The following DOCK5 variants were observed in gnomAD, a reference collection of about 807,000 sequenced individuals.
DOCK5 encodes dedicator of cytokinesis protein 5.
In DOCK5, 142 loss-of-function variants were observed where a neutral mutation model predicts 251.8. That is an observed-to-expected ratio of 0.56 (90% CI 0.49 to 0.65). DOCK5 has a LOEUF of 0.65. Ranked by LOEUF, DOCK5 falls within the 30% of genes least tolerant of loss-of-function variation. DOCK5 has a pLI of 0.00. For missense variants in DOCK5, 2,111 were observed against 2,312.3 expected (o/e 0.91, Z 1.79); for synonymous variants, 842 against 835.5 (o/e 1.01, Z -0.13).
intron 27 of DOCK5, among the ~76,000 whole-genome samples, chr8:25,357,627 C>T (rs1350375819): frequency 6.6e-6 from 1 of 152,090 alleles, no homozygotes; most frequent in Non-Finnish European, 1.5e-5. Context: ...ATCCGCCCAC[C>T]TTGGCCTCCC....
At chr8:25,364,528 C>A in intron 29 of DOCK5, 98 bp from the exon 30 acceptor site, 1 of 823,804 alleles carries the variant, frequency 1.2e-6, no homozygotes, top group Non-Finnish European at 2.0e-6. Flanking sequence ...CTTATGATGC[C>A]AAGTTCAGGT....
At position 25,184,847 on chromosome 8, in the gene DOCK5, G is replaced by GGCC. The variant is rs1005689933; in HGVS notation, c.-60_-58dup. 8.2e-4 allele frequency: 1,042 copies of GGCC among 1,269,302 alleles called. 1 individual carries two copies. The highest frequency in any genetic ancestry group is 9.6e-4 in the Non-Finnish European group (960 of 998,956). 78.6% of individuals were successfully genotyped at this position (1,269,302 alleles called of 1,614,324 possible). ...GCACGCAGGAGCGCGGGGCGGCGGC[G>GGCC]GCCGGAGCCCGAGGAGCTGTAGCAG... On this transcript the variant is annotated 5_prime_UTR_variant, in exon 1 of 52. Coordinates refer to ENST00000276440, the MANE Select transcript of DOCK5 (RefSeq NM_024940.8).
At chr8:25,246,890 GT>G (rs145041068) in intron 2 of DOCK5, among the ~76,000 whole-genome samples, 12,360 of 147,876 alleles carry the variant, frequency 0.084, 1,369 homozygotes, top group African/African-American at 0.25. Context: ...TTTGTTTTTT[GT>G]TTTTTTTTTC....
intron 43 of DOCK5, among the ~76,000 whole-genome samples, chr8:25,392,453 G>T (rs972389314): frequency 7.9e-5 from 12 of 152,090 alleles, no homozygotes; most frequent in African/African-American, 2.7e-4. Context: ...TACCTAGACA[G>T]CCAGCTGTCA....
At chr8:25,260,402 A>G (rs1803546359) in intron 2 of DOCK5, among the ~76,000 whole-genome samples, 1 of 151,740 alleles carries the variant, frequency 6.6e-6, no homozygotes, top group Non-Finnish European at 1.5e-5. Context: ...GTGTATAGAA[A>G]CATAGCTCTT....
In DOCK5 at chr8:25,389,244, G is replaced by A. The variant is rs200850884; in HGVS notation, c.4273+12G>A. 5.2e-5 allele frequency: 83 copies of A among 1,610,924 alleles called. No individual in the cohort carries two copies. The highest frequency in any genetic ancestry group is 1.3e-4 in the South Asian group (12 of 90,970). ...GTCCCCCAAGCAGTGTATCCTTTCCGGGGGGAGTATGGCCCCGAGGCTCTT... is the reference window on the plus strand; with the variant it reads ...GTCCCCCAAGCAGTGTATCCTTTCCAGGGGGAGTATGGCCCCGAGGCTCTT... On this transcript the variant is annotated intron_variant, in intron 41 of 51. Transcript: ENST00000276440.
In DOCK5 at chr8:25,332,643, T is replaced by C. The variant is rs1805709414; in HGVS notation, c.2042T>C (p.Met681Thr). The part of the protein sequence containing the change: ...DTLDALFNIM[M>T]EMSDSETYDF... ...CTAGATGCACTCTTTAACATAATGA[T>C]GGAAATGTCAGACAGTGAAACCTAT... is the stretch of plus-strand genomic sequence containing the variant. The change falls in exon 20 of 52, where the codon ATG becomes ACG. Residue 681 changes from methionine to threonine, a missense_variant. By Grantham distance (81) the Met-to-Thr change is moderately conservative (BLOSUM62 -1). Around this residue, in one of 3 missense-constraint regions of DOCK5, gnomAD observed 1,717 missense variants for 1,892.4 expected, o/e 0.91. Coordinates refer to ENST00000276440, the MANE Select transcript of DOCK5 (RefSeq NM_024940.8). 1 of 1,612,748 alleles carries C rather than the reference T, an allele frequency of 6.2e-7. No homozygotes were observed. The highest frequency in any genetic ancestry group is 8.5e-7 in the Non-Finnish European group (1 of 1,179,474).
chr8:25,369,694 G>A (rs1167335464), intron 34 of DOCK5, 53 bp downstream of exon 34: 51 of 1,488,848 alleles, frequency 3.4e-5, no homozygotes, highest in Middle Eastern at 1.8e-4. Flanking sequence ...TAGTAATAGA[G>A]AAAAACAGGG....
intron 39 of DOCK5, among the ~76,000 whole-genome samples, chr8:25,381,594 C>G (rs373230026): frequency 6.6e-6 from 1 of 151,438 alleles, no homozygotes. Context: ...TGCTACTGCA[C>G]TCCAGCCTGG....
At chr8:25,297,678 T>C (rs1804652311) in intron 7 of DOCK5, among the ~76,000 whole-genome samples, 2 of 152,186 alleles carry the variant, frequency 1.3e-5, no homozygotes, top group South Asian at 4.1e-4. Flanking sequence ...CATGATCCAC[T>C]GCACCCAGGC....
intron 1 of DOCK5, among the ~76,000 whole-genome samples, chr8:25,198,382 G>C (rs953296387): frequency 4.1e-4 from 62 of 152,190 alleles, no homozygotes; most frequent in African/African-American, 1.4e-3. Context: ...GACCAGCCTG[G>C]CCAACATGGT....
Position 25,332,306 on chromosome 8 carries a change from C to G in DOCK5, c.1959C>G (p.Asn653Lys). 9.9e-6 allele frequency: 16 copies of G among 1,613,398 alleles called. No individual in the cohort carries two copies. The highest frequency in any genetic ancestry group is 1.4e-5 in the Non-Finnish European group (16 of 1,179,630). ...CCAACTCCCAGAACATTAAACACAA[C>G]CTAAAGAAGTTAATGGAAGTGGATG... The part of the protein sequence containing the change: ...WRSNSQNIKH[N>K]LKKLMEVDGG... The change falls in exon 19 of 52, where the codon AAC (asparagine) becomes AAG (lysine). Residue 653 changes from asparagine (N) to lysine (K), a missense_variant. Transcript: ENST00000276440.
intron 1 of DOCK5, among the ~76,000 whole-genome samples, chr8:25,203,490 T>G (rs73558426): frequency 0.068 from 10,333 of 152,286 alleles, 733 homozygotes; most frequent in African/African-American, 0.19. Context: ...CCTTGGAAAT[T>G]TTGAATCCGT....
At chr8:25,316,258 T>C (rs1357303347) in intron 13 of DOCK5, among the ~76,000 whole-genome samples, 1 of 152,182 alleles carries the variant, frequency 6.6e-6, no homozygotes, top group Non-Finnish European at 1.5e-5. Context: ...GGTGGGCAGA[T>C]TGCTTGAGTC....
intron 1 of DOCK5, among the ~76,000 whole-genome samples, chr8:25,192,013 C>T (rs1415431689): frequency 9.4e-5 from 14 of 149,296 alleles, no homozygotes; most frequent in East Asian, 4.0e-4. Context: ...TGAGAACATG[C>T]AGTGTTTGGT....
chr8:25,339,893 A>G (rs922155850), intron 22 of DOCK5, among the ~76,000 whole-genome samples: 2 of 152,228 alleles, frequency 1.3e-5, no homozygotes, highest in African/African-American at 4.8e-5. Flanking sequence ...ATCGAAGGCT[A>G]CAGGTAGAAG....
chr8:25,380,928 A>G (rs556727433), intron 39 of DOCK5, among the ~76,000 whole-genome samples: 30 of 150,504 alleles, frequency 2.0e-4, no homozygotes, highest in African/African-American at 6.9e-4. Flanking sequence ...GCACCATTCC[A>G]AATGCCCAGT....
In DOCK5 at chr8:25,224,482, A is replaced by T. The variant is rs1426825794; in HGVS notation, c.44-19192A>T. 2.0e-5 allele frequency among the ~76,000 whole-genome samples: 3 copies of T among 152,332 alleles called. No individual in the cohort carries two copies. In the East Asian group the frequency reaches 5.8e-4, roughly 29 times the overall value. On this transcript the variant is annotated intron_variant, in intron 1 of 51. Transcript: ENST00000276440. The stretch of plus-strand genomic sequence containing the variant: ...TCCTTTTCACTATGTGGCATATATT[A>T]TGGACATTCTTATATCCATGAGAAA...
At chr8:25,329,724 G>A (rs971528416) in intron 18 of DOCK5, among the ~76,000 whole-genome samples, 8 of 152,052 alleles carry the variant, frequency 5.3e-5, no homozygotes, top group East Asian at 3.9e-4. Context: ...TGTTCATGGC[G>A]GAATTGCTTA....
Sources: gnomAD v4.1 joint callset for allele counts (sites outside exome capture counted in the v4.1 genomes callset) on GRCh38, gnomAD v4.1.1 for gene constraint, gnomAD v4.1.1 regional missense constraint, MANE v1.5 for transcripts, NCBI Gene and HGNC (gene_info 2026-07-23, HGNC 2026-07-21) for gene names.